Variants in CHMP5 observed in about 807,000 individuals in gnomAD.
CHMP5 encodes SNF7 domain containing 2.
A neutral mutation model predicts 33.0 loss-of-function variants in CHMP5; 17 were observed. The ratio of observed to expected loss-of-function variants is 0.52; its 90% CI spans 0.35 to 0.77. The LOEUF is 0.77. Ranked by LOEUF, CHMP5 falls within the 30% of genes least tolerant of loss-of-function variation. The pLI is 0.01. For synonymous variants in CHMP5, 76 were observed against 90.2 expected, an observed-to-expected ratio of 0.84 and a Z score of 0.89; for missense variants, 216 against 261.5, an observed-to-expected ratio of 0.83 and a Z score of 1.20.
chr9:33,271,071 CAAAT>C (rs1034537668), intron 4 of CHMP5, 77 bp from the exon 5 acceptor site: 625 of 1,150,818 alleles, frequency 5.4e-4, no homozygotes, highest in Non-Finnish European at 6.3e-4. Flanking sequence ...AACTCTGTCT[CAAAT>C]AAATAAATAA....
At chr9:33,273,797 G>T (rs556695752) in intron 5 of CHMP5, among the ~76,000 whole-genome samples, 2 of 150,924 alleles carry the variant, frequency 1.3e-5, no homozygotes, top group South Asian at 4.2e-4. Context: ...AATTTTTTCT[G>T]TGTCTATCCT....
chr9:33,274,922 G>A (rs528209059), intron 5 of CHMP5, among the ~76,000 whole-genome samples: 1 of 152,086 alleles, frequency 6.6e-6, no homozygotes, highest in African/African-American at 2.4e-5. Context: ...GGCCAGATAT[G>A]GCTATTAATA....
chr9:33,278,182 C>T lies in CHMP5; in HGVS notation c.566C>T (p.Ala189Val). Residue 189 changes from alanine (A) to valine (V), a missense_variant, in exon 7 of 8, where the codon GCA becomes GTA. Physicochemically the swap from Ala to Val is moderately conservative, Grantham distance 64. Transcript: ENST00000223500. ...TCTTATTTGGATGAGGCAGCATCTGCACCTGCAATTCCAGAAGGTGTTCCC... is the reference window on the plus strand; with the variant it reads ...TCTTATTTGGATGAGGCAGCATCTGTACCTGCAATTCCAGAAGGTGTTCCC... ...DSSYLDEAASAPAIPEGVPTD... is the reference protein window; with the variant it reads ...DSSYLDEAASVPAIPEGVPTD... The T allele has an allele frequency of 1.2e-6, 2 of 1,613,152 alleles. No homozygotes were observed. The highest frequency in any genetic ancestry group is 1.7e-6 in the Non-Finnish European group (2 of 1,179,414).
intron 3 of CHMP5, among the ~76,000 whole-genome samples, chr9:33,269,929 G>A (rs548205359): frequency 6.2e-4 from 94 of 152,162 alleles, no homozygotes; most frequent in Non-Finnish European, 1.0e-3. Flanking sequence ...AGCCGAGATC[G>A]TACCATTGCA....
chr9:33,278,315 C>T, intron 7 of CHMP5, 90 bp downstream of exon 7: 1 of 800,616 alleles, frequency 1.2e-6, no homozygotes, highest in Non-Finnish European at 2.1e-6. Flanking sequence ...GTAGTCTTAA[C>T]ATTAGAACAA....
rs143411113 is a variant in CHMP5 at position 33,269,425 on chromosome 9, A to T, written c.222-1198A>T. Among the ~76,000 whole-genome samples the T allele has an allele frequency of 7.6e-4, 115 of 152,198 alleles. 1 individual carries two copies. Among genetic ancestry groups the T allele is most frequent in the African/African-American group, 2.6e-3 (106 of 41,516 alleles). On this transcript the variant is annotated intron_variant, in intron 3 of 7. Coordinates refer to ENST00000223500, the MANE Select transcript of CHMP5 (RefSeq NM_016410.6). ...AGGCTGAGGCAGGAGAATCGCTTGA[A>T]CCCAGGAGGCAGAGGTTACAGTGAG...
At chr9:33,279,004 A>C (rs1820887947) in intron 7 of CHMP5, among the ~76,000 whole-genome samples, 1 of 151,988 alleles carries the variant, frequency 6.6e-6, no homozygotes, top group South Asian at 2.1e-4. Context: ...GCTCACTGCA[A>C]CCTCCGCCCC....
chr9:33,267,469 T>C (rs1296277618), intron 2 of CHMP5, among the ~76,000 whole-genome samples: 1 of 152,222 alleles, frequency 6.6e-6, no homozygotes, highest in African/African-American at 2.4e-5. Context: ...TTGTTACTTA[T>C]TTCAAAGGTG....
chr9:33,268,847 C>T (rs1224198003), intron 3 of CHMP5, among the ~76,000 whole-genome samples: 1 of 152,214 alleles, frequency 6.6e-6, no homozygotes, highest in Non-Finnish European at 1.5e-5. Flanking sequence ...TTTCTTTCCT[C>T]TGCTTCTGCA....
intron 7 of CHMP5, among the ~76,000 whole-genome samples, chr9:33,279,635 A>C (rs761576511): frequency 4.6e-5 from 7 of 152,050 alleles, no homozygotes; most frequent in Non-Finnish European, 7.4e-5. Context: ...AGGCTGGGGC[A>C]GGCGGATCAC....
At chr9:33,276,615 C>G (rs529253591) in intron 6 of CHMP5, 51 bp downstream of exon 6, 1 of 979,120 alleles carries the variant, frequency 1.0e-6, no homozygotes, top group South Asian at 1.4e-5. Context: ...CCAAAAGCAA[C>G]AGCTGCCTGG....
chr9:33,276,891 C>T (rs78943456), intron 6 of CHMP5, among the ~76,000 whole-genome samples: 3 of 152,084 alleles, frequency 2.0e-5, no homozygotes, highest in African/African-American at 7.2e-5. Flanking sequence ...TCCTCTCCCT[C>T]AGAACAGCAA....
At position 33,265,147 on chromosome 9, in the gene CHMP5, G is replaced by A. The variant is rs777754848; in HGVS notation, c.69G>A (p.Thr23=). 1 of 1,614,038 alleles carries A rather than the reference G, an allele frequency of 6.2e-7. No individual in the cohort carries two copies. Among genetic ancestry groups the A allele is most frequent in the Non-Finnish European group, 8.5e-7 (1 of 1,179,970 alleles). The change falls in exon 1 of 8, where the codon ACG becomes ACA. Residue 23 remains threonine (T), a splice_region_variant and synonymous_variant. Coordinates refer to ENST00000223500, the MANE Select transcript of CHMP5 (RefSeq NM_016410.6). The part of the protein sequence containing the change: ...PPPSLTDCIG[T]VDSRAESIDK... ...CCAGCCTGACTGACTGCATTGGCAC[G>A]GTGGGCATTTGATCATGCATAAGTA...
chr9:33,275,156 T>C (rs1820838175), intron 5 of CHMP5, among the ~76,000 whole-genome samples: 1 of 152,154 alleles, frequency 6.6e-6, no homozygotes, highest in South Asian at 2.1e-4. Context: ...ATGCAGATAT[T>C]TTTCAACCAA....
intron 5 of CHMP5, among the ~76,000 whole-genome samples, chr9:33,272,034 T>C (rs1163796753): frequency 2.6e-5 from 4 of 152,196 alleles, no homozygotes; most frequent in Admixed American, 2.6e-4. Flanking sequence ...CTTTAGATTT[T>C]TAATAATAAT....
intron 3 of CHMP5, 53 bp from the exon 4 acceptor site, chr9:33,270,570 T>C: frequency 7.3e-7 from 1 of 1,375,982 alleles, no homozygotes; most frequent in Non-Finnish European, 1.0e-6. Context: ...ACTTTGTTCT[T>C]GAGGATTTCT....
At position 33,265,084 on chromosome 9, in the gene CHMP5, C is replaced by T. The variant is rs1178745276; in HGVS notation, c.6C>T (p.Asn2=). The stretch of plus-strand genomic sequence containing the variant: ...TTTCTTCGCGGCTGCTCAAGATGAA[C>T]CGACTCTTCGGGAAAGCGAAACCCA... The part of the protein sequence containing the change: M[N]RLFGKAKPKA... The change falls in exon 1 of 8, where the codon AAC becomes AAT. Residue 2 remains asparagine (N), a synonymous_variant. Transcript: ENST00000223500. 6.2e-7 allele frequency: 1 copy of T among 1,614,230 alleles called. No individual in the cohort carries two copies. The highest frequency in any genetic ancestry group is 8.5e-7 in the Non-Finnish European group (1 of 1,180,036).
chr9:33,267,782 G>T, intron 2 of CHMP5, 71 bp from the exon 3 acceptor site: 1 of 979,400 alleles, frequency 1.0e-6, no homozygotes. Flanking sequence ...TGAGTTTGAG[G>T]CTATGGGAAA....
intron 4 of CHMP5, 53 bp downstream of exon 4, chr9:33,270,769 T>C (rs1366140590): frequency 7.0e-7 from 1 of 1,425,586 alleles, no homozygotes; most frequent in Non-Finnish European, 9.9e-7. Flanking sequence ...CTTATTCTCT[T>C]TTCCGATGGC....
Sources: allele counts gnomAD v4.1 joint callset (sites outside exome capture counted in the v4.1 genomes callset), GRCh38; gene constraint gnomAD v4.1.1; transcripts MANE v1.5; gene names NCBI Gene and HGNC (gene_info 2026-07-23, HGNC 2026-07-21).